The following PDXDC1 variants were observed in gnomAD, a reference collection of about 807,000 sequenced individuals.
The protein encoded by PDXDC1 is pyridoxal-dependent decarboxylase domain-containing protein 1.
A neutral mutation model predicts 100.1 loss-of-function variants in PDXDC1; 42 were observed. That is an observed-to-expected ratio of 0.42 (90% CI 0.33 to 0.54). The LOEUF (loss-of-function observed/expected upper bound fraction) is 0.54, where lower values mean the gene tolerates loss of function less well. Among genes scored for constraint, PDXDC1 ranks in the 20% least tolerant of loss-of-function variants. The pLI is 0.10. For synonymous variants in PDXDC1, 260 were observed against 371.7 expected, an observed-to-expected ratio of 0.70 and a Z score of 3.46; for missense variants, 636 against 979.2, an observed-to-expected ratio of 0.65 and a Z score of 4.68.
chr16:15,074,907 A>G (rs758429814), intron 16 of PDXDC1: 6 of 1,547,938 alleles, frequency 3.9e-6, no homozygotes, highest in Admixed American at 3.8e-5. Flanking sequence ...ATTCAATGTC[A>G]AAGTGGTTTA....
chr16:14,999,034 G>A (rs1036086768), intron 3 of PDXDC1, among the ~76,000 whole-genome samples: 3 of 152,278 alleles, frequency 2.0e-5, no homozygotes, highest in East Asian at 3.9e-4. Flanking sequence ...ACAGCGATCT[G>A]TGATTGTACC....
At chr16:15,011,481 G>C (rs1331212371) in intron 8 of PDXDC1, among the ~76,000 whole-genome samples, 1 of 152,278 alleles carries the variant, frequency 6.6e-6, no homozygotes, top group Non-Finnish European at 1.5e-5. Flanking sequence ...AGATCTTTGT[G>C]ACCTTAGGTT....
downstream of PDXDC1, chr16:15,038,335 T>C (rs1489290284): frequency 1.9e-5 from 12 of 640,958 alleles, no homozygotes; most frequent in Non-Finnish European, 2.9e-5. Context: ...AGAAATGAGG[T>C]GGCCTGAATT....
chr16:15,013,666 G>A (rs1379538466), intron 8 of PDXDC1, among the ~76,000 whole-genome samples: 1 of 152,232 alleles, frequency 6.6e-6, no homozygotes, highest in Non-Finnish European at 1.5e-5. Context: ...CACAAGGTCA[G>A]GAGTTCAAGA....
intron 6 of PDXDC1, among the ~76,000 whole-genome samples, chr16:15,006,889 TTAA>T (rs2040823799): frequency 3.9e-5 from 6 of 152,290 alleles, no homozygotes; most frequent in Admixed American, 3.9e-4. Flanking sequence ...ATATATCATT[TTAA>T]TAATAATTTT....
At chr16:15,018,562 G>A (rs2041961536) in intron 11 of PDXDC1, among the ~76,000 whole-genome samples, 1 of 152,268 alleles carries the variant, frequency 6.6e-6, no homozygotes, top group Admixed American at 6.5e-5. Context: ...GAAGTGGGGA[G>A]TCTCCTAGGT....
chr16:15,149,207 C>T, the PDXDC1 span, among the ~76,000 whole-genome samples: 1 of 152,210 alleles, frequency 6.6e-6, no homozygotes, highest in Non-Finnish European at 1.5e-5. Flanking sequence ...TGGGCAGCTC[C>T]CTGTGGGAGC....
chr16:15,135,415 C>T (rs2048302386), intron 16 of PDXDC1: 5 of 1,322,210 alleles, frequency 3.8e-6, no homozygotes, highest in Non-Finnish European at 5.3e-6. Flanking sequence ...TCAGCGCACA[C>T]CCGCCAGCCT....
chr16:15,016,562 C>T (rs544592562), intron 9 of PDXDC1, among the ~76,000 whole-genome samples: 111 of 152,388 alleles, frequency 7.3e-4, no homozygotes, highest in African/African-American at 2.4e-3. Context: ...TTTCCAGCTT[C>T]GTGGTCAGCT....
intron 16 of PDXDC1, among the ~76,000 whole-genome samples, chr16:15,057,720 C>T (rs1235177549): frequency 6.6e-6 from 1 of 152,190 alleles, no homozygotes; most frequent in Non-Finnish European, 1.5e-5. Flanking sequence ...ACATACTAAA[C>T]ACTAAAGATA....
In PDXDC1 at chr16:15,099,223, G is replaced by C. The variant is rs1281229629; in HGVS notation, c.1400-39656G>C. Reference sequence around the variant, plus strand: ...GGCTCACTTGAGATCAGGAGTTCAAGACCAGCTGGGCCAACATGGTGAAAC... The same window carrying C: ...GGCTCACTTGAGATCAGGAGTTCAACACCAGCTGGGCCAACATGGTGAAAC... On this transcript the variant is annotated intron_variant, in intron 16 of 16. Transcript: ENST00000535621. Among the ~76,000 whole-genome samples the C allele has an allele frequency of 2.6e-5, 4 of 152,014 alleles. No homozygotes were observed. In the East Asian group the frequency reaches 7.7e-4, roughly 29 times the overall value.
intron 16 of PDXDC1, chr16:15,068,078 T>C: frequency 2.1e-6 from 3 of 1,448,146 alleles, no homozygotes; most frequent in South Asian, 2.5e-5. Flanking sequence ...ATGTTACTAA[T>C]TTCATAGAAA....
chr16:15,133,780 C>G (rs2048220576), intron 16 of PDXDC1: 1 of 1,588,914 alleles, frequency 6.3e-7, no homozygotes, highest in Non-Finnish European at 8.6e-7. Flanking sequence ...TCCCCCTAAG[C>G]AGGCCTGTAC....
rs749348804 is a variant in PDXDC1 at position 15,035,575 on chromosome 16, A to T, written c.2107+22A>T. 27 of 1,450,176 alleles carry T rather than the reference A, an allele frequency of 1.9e-5. No homozygotes were observed. The East Asian group carries it at 5.8e-4, about 31-fold the overall frequency. The allele number at this position is 1,450,176 out of a possible 1,614,324, so 89.8% of individuals were successfully genotyped here. A position where few individuals can be genotyped will look rare whatever the true frequency, so the allele number is the denominator to read the frequency against. On this transcript the variant is annotated intron_variant, in intron 22 of 22. Coordinates refer to ENST00000396410, the MANE Select transcript of PDXDC1 (RefSeq NM_015027.4). ...CCAGGTAAGTGACGCCTCTGCACCG[A>T]GTTCAGGTAACAGGTTTCCCCTGTT...
At chr16:15,014,206 C>CAAA (rs199890384) in intron 8 of PDXDC1, among the ~76,000 whole-genome samples, 284 of 144,228 alleles carry the variant, frequency 2.0e-3, no homozygotes, top group African/African-American at 3.8e-3. Flanking sequence ...GACTCTGTCT[C>CAAA]AAAAAAAAAA....
intron 16 of PDXDC1, among the ~76,000 whole-genome samples, chr16:15,128,874 C>G (rs1265528948): frequency 2.7e-5 from 4 of 149,464 alleles, no homozygotes; most frequent in Non-Finnish European, 3.0e-5. Flanking sequence ...GGCGCAATCT[C>G]AGCTCACTGC....
chr16:15,127,755 A>T (rs1394524219), intron 16 of PDXDC1: 108 of 1,548,148 alleles, frequency 7.0e-5, no homozygotes, highest in Non-Finnish European at 9.2e-5. Context: ...AGATGAGGAG[A>T]ACGCAGCAGG....
intron 16 of PDXDC1, chr16:15,074,865 T>C: frequency 6.2e-7 from 1 of 1,603,664 alleles, no homozygotes; most frequent in Non-Finnish European, 8.5e-7. Flanking sequence ...CTTCATCCTT[T>C]GAAGACAAAA....
At chr16:15,057,725 A>G (rs1331574627) in intron 16 of PDXDC1, among the ~76,000 whole-genome samples, 1 of 152,214 alleles carries the variant, frequency 6.6e-6, no homozygotes, top group Admixed American at 6.5e-5. Flanking sequence ...CTAAACACTA[A>G]AGATAGCTAT....
Sources: gnomAD v4.1 joint callset for allele counts (sites outside exome capture counted in the v4.1 genomes callset) on GRCh38, gnomAD v4.1.1 for gene constraint, MANE v1.5 for transcripts, NCBI Gene and HGNC (gene_info 2026-07-23, HGNC 2026-07-21) for gene names.